Variants in TIAM1 observed in about 807,000 individuals in gnomAD.
The protein encoded by TIAM1 is rho guanine nucleotide exchange factor TIAM1.
In TIAM1, 65 loss-of-function variants were observed where a neutral mutation model predicts 163.5. That is an observed-to-expected ratio of 0.40 (90% CI 0.33 to 0.49). TIAM1 has a LOEUF of 0.49. Ranked by LOEUF, TIAM1 falls within the 20% of genes least tolerant of loss-of-function variation. TIAM1 has a pLI of 0.77. For missense variants in TIAM1, 1,789 were observed against 2,044.7 expected, an observed-to-expected ratio of 0.87 and a Z score of 2.41; for synonymous variants, 833 against 810.1, an observed-to-expected ratio of 1.03 and a Z score of -0.48.
intron 1 of TIAM1, among the ~76,000 whole-genome samples, chr21:31,494,549 G>A (rs1470845584): frequency 6.6e-6 from 1 of 152,132 alleles, no homozygotes; most frequent in East Asian, 1.9e-4. Flanking sequence ...CAGCGTAGAA[G>A]ACTGCTAAAA....
intron 1 of TIAM1, among the ~76,000 whole-genome samples, chr21:31,510,826 A>C (rs943107554): frequency 1.3e-5 from 2 of 152,068 alleles, no homozygotes; most frequent in Admixed American, 1.3e-4. Context: ...AAAAAAAAAA[A>C]ACAAAAAAAA....
At chr21:31,558,690 G>A (rs907034831) in intron 1 of TIAM1, among the ~76,000 whole-genome samples, 6 of 152,068 alleles carry the variant, frequency 3.9e-5, no homozygotes, top group East Asian at 1.9e-4. Context: ...TTCGCGCGAG[G>A]GATGCCTCCT....
intron 6 of TIAM1, among the ~76,000 whole-genome samples, chr21:31,239,745 A>C (rs1194815777): frequency 6.6e-6 from 1 of 152,208 alleles, no homozygotes; most frequent in Non-Finnish European, 1.5e-5. Flanking sequence ...CACTTCACAA[A>C]AGATGATATT....
At chr21:31,307,511 C>A (rs111620906) in intron 2 of TIAM1, among the ~76,000 whole-genome samples, 1 of 152,152 alleles carries the variant, frequency 6.6e-6, no homozygotes, top group African/African-American at 2.4e-5. Flanking sequence ...ACAGACTGAA[C>A]AAACACATGG....
chr21:31,248,865 C>T (rs2071642383), intron 5 of TIAM1, among the ~76,000 whole-genome samples: 2 of 152,098 alleles, frequency 1.3e-5, no homozygotes, highest in African/African-American at 2.4e-5. Flanking sequence ...CCCTAAAGGG[C>T]CTGTGGGCTG....
upstream of TIAM1, among the ~76,000 whole-genome samples, chr21:31,347,546 C>G (rs549823665): frequency 8.5e-5 from 13 of 152,282 alleles, no homozygotes; most frequent in East Asian, 2.5e-3. Context: ...AATGTGAACG[C>G]AGGTCCGAGC....
intron 5 of TIAM1, among the ~76,000 whole-genome samples, chr21:31,246,002 C>A (rs1296122052): frequency 6.6e-6 from 1 of 152,156 alleles, no homozygotes; most frequent in African/African-American, 2.4e-5. Flanking sequence ...GTCCTCCAGG[C>A]CAGAACTTTG....
intron 1 of TIAM1, among the ~76,000 whole-genome samples, chr21:31,498,226 G>C (rs2046730915): frequency 6.6e-6 from 1 of 152,226 alleles, no homozygotes; most frequent in Admixed American, 6.5e-5. Context: ...AGCTTTCCAA[G>C]ATGATCACAG....
chr21:31,471,297 A>G (rs995036375), intron 1 of TIAM1, among the ~76,000 whole-genome samples: 1 of 152,124 alleles, frequency 6.6e-6, no homozygotes, highest in African/African-American at 2.4e-5. Flanking sequence ...CTGTGTGGGG[A>G]GGATCAGCGG....
chr21:31,420,744 A>C (rs2043538450), intron 2 of TIAM1, among the ~76,000 whole-genome samples: 1 of 152,170 alleles, frequency 6.6e-6, no homozygotes, highest in African/African-American at 2.4e-5. Flanking sequence ...TAGTGGGTCA[A>C]ATAGGGTCTC....
intron 2 of TIAM1, among the ~76,000 whole-genome samples, chr21:31,385,929 ATAT>A (rs1175117019): frequency 6.8e-6 from 1 of 147,656 alleles, no homozygotes. Flanking sequence ...AATTGATAAT[ATAT>A]TAATGTTATT....
intron 2 of TIAM1, among the ~76,000 whole-genome samples, chr21:31,370,613 T>C (rs1405569192): frequency 6.6e-6 from 1 of 152,142 alleles, no homozygotes; most frequent in Non-Finnish European, 1.5e-5. Flanking sequence ...TCTCAATGTG[T>C]AAATGTTTGA....
chr21:31,203,092 T>C, intron 11 of TIAM1, 80 bp from the exon 12 acceptor site: 8 of 1,092,392 alleles, frequency 7.3e-6, no homozygotes, highest in Non-Finnish European at 1.1e-5. Flanking sequence ...CAACATACGA[T>C]GTATTCCTAT....
intron 2 of TIAM1, among the ~76,000 whole-genome samples, chr21:31,328,768 T>C (rs555923182): frequency 6.6e-6 from 1 of 151,342 alleles, no homozygotes; most frequent in African/African-American, 2.4e-5. Context: ...TGTCCATGTG[T>C]TCTCATTGAT....
chr21:31,156,729 G>A (rs2083639361), intron 16 of TIAM1, among the ~76,000 whole-genome samples: 1 of 152,080 alleles, frequency 6.6e-6, no homozygotes, highest in Non-Finnish European at 1.5e-5. Flanking sequence ...GAGAAAGAAA[G>A]CAAACCCTTG....
chr21:31,306,667 T>G (rs1395543891), intron 2 of TIAM1, among the ~76,000 whole-genome samples: 1 of 152,132 alleles, frequency 6.6e-6, no homozygotes, highest in African/African-American at 2.4e-5. Flanking sequence ...TGAGAAAACA[T>G]CTGGGCAAAC....
At chr21:31,416,891 TCTTGGTG>T (rs1291160560) in intron 2 of TIAM1, among the ~76,000 whole-genome samples, 1 of 152,238 alleles carries the variant, frequency 6.6e-6, no homozygotes, top group African/African-American at 2.4e-5. Flanking sequence ...CAAGCAAAGA[TCTTGGTG>T]TGGGACCGAA....
intron 15 of TIAM1, among the ~76,000 whole-genome samples, chr21:31,176,383 C>T (rs1417894516): frequency 6.6e-6 from 1 of 152,152 alleles, no homozygotes; most frequent in Non-Finnish European, 1.5e-5. Flanking sequence ...GACATCCTTC[C>T]CTTTTTTTCC....
At chr21:31,183,755 T>A (rs1266859944) in intron 14 of TIAM1, among the ~76,000 whole-genome samples, 1 of 145,504 alleles carries the variant, frequency 6.9e-6, no homozygotes, top group Non-Finnish European at 1.5e-5. Context: ...AGTGCAGTGG[T>A]GCGATCTTGG....
Sources: gnomAD v4.1 joint callset for allele counts (sites outside exome capture counted in the v4.1 genomes callset) on GRCh38, gnomAD v4.1.1 for gene constraint, MANE v1.5 for transcripts, NCBI Gene and HGNC (gene_info 2026-07-23, HGNC 2026-07-21) for gene names.